The following SYT9 variants were observed in gnomAD, a reference collection of about 807,000 sequenced individuals.
The protein encoded by SYT9 is synaptotagmin 9, also known as synaptotagmin-9.
Under a neutral mutation model 48.4 loss-of-function variants are expected in SYT9, and 22 were observed. The observed-to-expected ratio is 0.45, with a 90% CI of 0.32 to 0.65. SYT9 has a LOEUF of 0.65. Ranked by LOEUF, SYT9 falls within the 30% of genes least tolerant of loss-of-function variation. SYT9 has a pLI of 0.03. For synonymous variants in SYT9, 265 were observed against 245.0 expected (o/e 1.08, Z -0.76); for missense variants, 577 against 622.0 (o/e 0.93, Z 0.77).
At chr11:7,257,136 C>T (rs1847986671) in intron 1 of SYT9, among the ~76,000 whole-genome samples, 1 of 152,154 alleles carries the variant, frequency 6.6e-6, no homozygotes, top group Admixed American at 6.5e-5. Flanking sequence ...AAGTAGAGAA[C>T]AACCTTTGAG....
At chr11:7,336,226 A>T (rs1182843166) in intron 3 of SYT9, among the ~76,000 whole-genome samples, 1 of 151,878 alleles carries the variant, frequency 6.6e-6, no homozygotes, top group Non-Finnish European at 1.5e-5. Flanking sequence ...ATTCCTTATA[A>T]ATGCTGGATA....
At position 7,281,064 on chromosome 11, in the gene SYT9, C is replaced by A. The variant is rs116947197; in HGVS notation, c.146-21975C>A. ...GAGCTTCTGTGAGCTGAGTCTAATT[C>A]ACTACTGAATGGGCAGATTTTCTGA... is the stretch of plus-strand genomic sequence containing the variant. On this transcript the variant is annotated intron_variant, in intron 1 of 6. Transcript: ENST00000318881. Among the ~76,000 whole-genome samples, 53 of 152,288 alleles carry A rather than the reference C, an allele frequency of 3.5e-4. 1 individual carries two copies. The East Asian group carries it at 5.8e-3, about 17-fold the overall frequency.
intron 1 of SYT9, among the ~76,000 whole-genome samples, chr11:7,263,125 A>G (rs1470296319): frequency 6.6e-6 from 1 of 152,144 alleles, no homozygotes; most frequent in Admixed American, 6.5e-5. Context: ...TAAAACCAAA[A>G]AATCTAGATG....
chr11:7,335,454 C>A (rs984900233), intron 3 of SYT9, among the ~76,000 whole-genome samples: 1 of 152,134 alleles, frequency 6.6e-6, no homozygotes. Flanking sequence ...TTTTCTGATC[C>A]TTTCCCTCCT....
chr11:7,299,338 T>C (rs754607886), intron 1 of SYT9, among the ~76,000 whole-genome samples: 1 of 152,080 alleles, frequency 6.6e-6, no homozygotes, highest in Non-Finnish European at 1.5e-5. Context: ...AAGGTAGAAA[T>C]GTACTATCTA....
chr11:7,306,890 T>C (rs1000437910), intron 2 of SYT9, among the ~76,000 whole-genome samples: 7 of 152,246 alleles, frequency 4.6e-5, no homozygotes, highest in Non-Finnish European at 8.8e-5. Context: ...GTTTTGTTTC[T>C]TCCTGTCTAT....
At chr11:7,286,793 C>T (rs116661401) in intron 1 of SYT9, among the ~76,000 whole-genome samples, 2,678 of 152,242 alleles carry the variant, frequency 0.018, 69 homozygotes, top group African/African-American at 0.062. Flanking sequence ...GTGATCTTTA[C>T]TCCAGTTTCC....
intron 3 of SYT9, among the ~76,000 whole-genome samples, chr11:7,410,978 C>T (rs1048909507): frequency 5.3e-5 from 8 of 152,280 alleles, no homozygotes; most frequent in Non-Finnish European, 2.9e-5. Flanking sequence ...CCTCAGCCTC[C>T]CAAGTAGTTT....
chr11:7,251,949 A>T lies in SYT9; in HGVS notation c.-238A>T. The T allele has an allele frequency of 2.4e-6, 1 of 419,296 alleles. No homozygotes were observed. Among genetic ancestry groups the T allele is most frequent in the South Asian group, 5.8e-5 (1 of 17,374 alleles). 26.0% of individuals were successfully genotyped at this position (419,296 alleles called of 1,614,324 possible). A position where few individuals can be genotyped will look rare whatever the true frequency, so the allele number is the denominator to read the frequency against. On this transcript the variant is annotated 5_prime_UTR_variant, in exon 1 of 7. Transcript: ENST00000318881. ...GCCTCTCCTCGGTGTCTGGGGAGGG[A>T]CGGAGGGACCGGGCGGGAGAGAGAG...
chr11:7,298,751 G>T (rs1848859104), intron 1 of SYT9, among the ~76,000 whole-genome samples: 2 of 152,010 alleles, frequency 1.3e-5, no homozygotes, highest in African/African-American at 4.8e-5. Context: ...CTTCTATCTG[G>T]TGTGCTAGGG....
At chr11:7,409,032 T>G (rs1217884779) in intron 3 of SYT9, among the ~76,000 whole-genome samples, 1 of 152,198 alleles carries the variant, frequency 6.6e-6, no homozygotes, top group Non-Finnish European at 1.5e-5. Flanking sequence ...ATGTTATCTG[T>G]GGGTTTGTCA....
chr11:7,262,776 G>C (rs1848103581), intron 1 of SYT9, among the ~76,000 whole-genome samples: 1 of 152,140 alleles, frequency 6.6e-6, no homozygotes, highest in Non-Finnish European at 1.5e-5. Context: ...GTGGGAACAA[G>C]AGCCTGATTG....
intron 3 of SYT9, 194 bp downstream of exon 3, chr11:7,314,135 T>C (rs1273457920): frequency 1.4e-6 from 1 of 725,896 alleles, no homozygotes; most frequent in Non-Finnish European, 2.4e-6. Flanking sequence ...CCAAGCATTA[T>C]TCCATGAAAA....
At chr11:7,320,323 TC>T (rs1282908317) in intron 3 of SYT9, among the ~76,000 whole-genome samples, 1 of 152,206 alleles carries the variant, frequency 6.6e-6, no homozygotes, top group Non-Finnish European at 1.5e-5. Flanking sequence ...CCCACTAAGC[TC>T]TTAAATCCCA....
In SYT9 at chr11:7,252,408, A is replaced by G; in HGVS notation, c.145+77A>G. On this transcript the variant is annotated intron_variant, in intron 1 of 6. Transcript: ENST00000318881. This position sits in a 1 kb window ranked among gnomAD's most constrained non-coding sequence, Gnocchi z 6.3. Reference sequence around the variant, plus strand: ...TTGGGGCCGCACCGGGGCCTGAGGCAGAACAGCGACGCGGACTGGGAGAGG... The same window carrying G: ...TTGGGGCCGCACCGGGGCCTGAGGCGGAACAGCGACGCGGACTGGGAGAGG... The G allele has an allele frequency of 2.2e-6, 3 of 1,333,340 alleles. No homozygotes were observed. The highest frequency in any genetic ancestry group is 6.2e-5 in the East Asian group (2 of 32,062). 82.6% of individuals were successfully genotyped at this position (1,333,340 alleles called of 1,614,324 possible). A position where few individuals can be genotyped will look rare whatever the true frequency, so the allele number is the denominator to read the frequency against.
chr11:7,383,550 G>A (rs1850604395), intron 3 of SYT9, among the ~76,000 whole-genome samples: 1 of 152,200 alleles, frequency 6.6e-6, no homozygotes. Context: ...AGTCACTGGG[G>A]AGAGGTGGGT....
At position 7,416,104 on chromosome 11, in the gene SYT9, G is replaced by A. The variant is rs752727111; in HGVS notation, c.1107G>A (p.Leu369=). 6.2e-7 allele frequency: 1 copy of A among 1,614,154 alleles called. No individual in the cohort carries two copies. Among genetic ancestry groups the A allele is most frequent in the Non-Finnish European group, 8.5e-7 (1 of 1,180,014 alleles). Residue 369 remains leucine (L), a synonymous_variant, in exon 4 of 7, where the codon CTG becomes CTA. Transcript: ENST00000318881. ...GCTATCTTCCAACGGCTGGCAGGCT[G>A]ACCATTACCATTATAAAAGCAAGGA... ...SLCYLPTAGR[L]TITIIKARNL... is the part of the protein sequence containing the mutation.
chr11:7,309,814 A>G (rs1377002711), intron 2 of SYT9, among the ~76,000 whole-genome samples: 1 of 152,054 alleles, frequency 6.6e-6, no homozygotes, highest in East Asian at 1.9e-4. Flanking sequence ...GTTATGAGTT[A>G]CCCTGGTTCT....
intron 4 of SYT9, among the ~76,000 whole-genome samples, chr11:7,417,556 C>T (rs749910386): frequency 6.6e-6 from 1 of 152,146 alleles, no homozygotes; most frequent in Admixed American, 6.5e-5. Context: ...CTAGGAATTC[C>T]CTTTCTTAAA....
Sources: allele counts gnomAD v4.1 joint callset (sites outside exome capture counted in the v4.1 genomes callset), GRCh38; gene constraint gnomAD v4.1.1; non-coding constraint Gnocchi (gnomAD v3.1); transcripts MANE v1.5; gene names NCBI Gene and HGNC (gene_info 2026-07-23, HGNC 2026-07-21).